PRKG1: variants seen among roughly 807,000 people sequenced by gnomAD.
The protein encoded by PRKG1 is cGMP-dependent protein kinase 1.
A neutral mutation model predicts 88.1 loss-of-function variants in PRKG1; 35 were observed. That is an observed-to-expected ratio of 0.40 (90% CI 0.30 to 0.53). The LOEUF (loss-of-function observed/expected upper bound fraction) is 0.53, where lower values mean the gene tolerates loss of function less well. PRKG1 is among the 20% of genes least tolerant of loss of function. PRKG1 has a pLI of 0.59. For missense variants in PRKG1, 540 were observed against 839.8 expected (o/e 0.64, Z 4.41); for synonymous variants, 303 against 292.5 (o/e 1.04, Z -0.37).
chr10:51,694,406 A>G (rs1354140500), intron 3 of PRKG1, among the ~76,000 whole-genome samples: 1 of 152,252 alleles, frequency 6.6e-6, no homozygotes, highest in African/African-American at 2.4e-5. Context: ...TGAAAAGTGT[A>G]GTTGAAAAGC....
chr10:52,129,608 C>T (rs974237311), intron 7 of PRKG1, among the ~76,000 whole-genome samples: 5 of 152,120 alleles, frequency 3.3e-5, no homozygotes, highest in Non-Finnish European at 4.4e-5. Context: ...AAAATGACAC[C>T]GTCATGGCAA....
Position 52,297,880 on chromosome 10 carries a change from T to C in PRKG1, c.*3980T>C, listed in dbSNP as rs191778597. On this transcript the variant is annotated 3_prime_UTR_variant, in exon 18 of 18. Coordinates refer to ENST00000373980, the MANE Select transcript of PRKG1 (RefSeq NM_006258.4). ...GATGCTTTTTCCGAGTTCTTGTATA[T>C]GCAAATCATTTACGAGGCAAGTTTT... is the stretch of plus-strand genomic sequence containing the variant. 139 of 152,266 alleles carry C rather than the reference T, an allele frequency of 9.1e-4. No individual in the cohort carries two copies. The highest frequency in any genetic ancestry group is 3.0e-3 in the African/African-American group (124 of 41,556). The allele number at this position is 152,266 out of a possible 1,614,324, so 9.4% of individuals were successfully genotyped here. A position where few individuals can be genotyped will look rare whatever the true frequency, so the allele number is the denominator to read the frequency against.
At chr10:51,733,809 G>A (rs1396379065) in intron 3 of PRKG1, among the ~76,000 whole-genome samples, 1 of 152,068 alleles carries the variant, frequency 6.6e-6, no homozygotes, top group African/African-American at 2.4e-5. Flanking sequence ...TGAATATTTT[G>A]AGTACCTTGG....
chr10:51,379,888 G>A (rs2132626012), intron 2 of PRKG1, among the ~76,000 whole-genome samples: 1 of 152,248 alleles, frequency 6.6e-6, no homozygotes, highest in Admixed American at 6.5e-5. Flanking sequence ...ACAATCTATA[G>A]CTATGAGGAA....
At chr10:52,090,162 T>C (rs1847020178) in intron 7 of PRKG1, among the ~76,000 whole-genome samples, 1 of 152,060 alleles carries the variant, frequency 6.6e-6, no homozygotes, top group African/African-American at 2.4e-5. Flanking sequence ...CCAGAACTCC[T>C]TGGAGAAATG....
intron 3 of PRKG1, among the ~76,000 whole-genome samples, chr10:51,752,173 C>T (rs1468419824): frequency 1.3e-5 from 2 of 152,132 alleles, no homozygotes; most frequent in Non-Finnish European, 1.5e-5. Context: ...ATGCTACTTC[C>T]TTCTTAAATG....
At chr10:51,822,374 A>T (rs1019313999) in intron 4 of PRKG1, among the ~76,000 whole-genome samples, 11 of 152,060 alleles carry the variant, frequency 7.2e-5, no homozygotes, top group Non-Finnish European at 1.3e-4. Context: ...AAAAAGTAGA[A>T]CTCCTAAAAA....
intron 2 of PRKG1, among the ~76,000 whole-genome samples, chr10:51,179,675 T>C (rs1837295081): frequency 1.3e-5 from 2 of 152,192 alleles, no homozygotes; most frequent in Non-Finnish European, 2.9e-5. Flanking sequence ...AAATAACCCT[T>C]ACCTTTCAGT....
chr10:51,191,388 G>C (rs2132040462), intron 2 of PRKG1, among the ~76,000 whole-genome samples: 1 of 151,892 alleles, frequency 6.6e-6, no homozygotes, highest in East Asian at 1.9e-4. Context: ...TAAGAAAAGT[G>C]AAATAGTGCT....
intron 3 of PRKG1, among the ~76,000 whole-genome samples, chr10:51,593,731 C>CTT (rs561985061): frequency 6.9e-6 from 1 of 145,456 alleles, no homozygotes; most frequent in African/African-American, 2.5e-5. Flanking sequence ...AAGGCAGTTC[C>CTT]TTTTTTTTTT....
intron 2 of PRKG1, among the ~76,000 whole-genome samples, chr10:51,223,263 A>G (rs766427863): frequency 6.6e-6 from 1 of 152,098 alleles, no homozygotes; most frequent in Non-Finnish European, 1.5e-5. Context: ...GAAAAGAGAG[A>G]ACATTTTTAT....
Position 51,999,587 on chromosome 10 carries a change from A to G in PRKG1, c.763-54897A>G, listed in dbSNP as rs529121423. Among the ~76,000 whole-genome samples, 16 of 152,322 alleles carry G rather than the reference A, an allele frequency of 1.1e-4. No individual in the cohort carries two copies. In the South Asian group the frequency reaches 3.3e-3, roughly 32 times the overall value. On this transcript the variant is annotated intron_variant, in intron 5 of 17. Coordinates refer to ENST00000373980, the MANE Select transcript of PRKG1 (RefSeq NM_006258.4). The stretch of plus-strand genomic sequence containing the variant: ...GAATAGGTATTCTGTTTCTAAATAT[A>G]TAAACAGAACTAAGGTGGCTTTTCT...
At chr10:52,101,260 G>A (rs1203618719) in intron 7 of PRKG1, among the ~76,000 whole-genome samples, 1 of 152,082 alleles carries the variant, frequency 6.6e-6, no homozygotes, top group African/African-American at 2.4e-5. Flanking sequence ...CTTTAACACT[G>A]CTAGTATTTC....
chr10:51,851,203 C>T (rs1840545349), intron 4 of PRKG1, among the ~76,000 whole-genome samples: 1 of 152,066 alleles, frequency 6.6e-6, no homozygotes, highest in African/African-American at 2.4e-5. Context: ...ATGTATTCAT[C>T]CTTATTTGCT....
chr10:51,611,478 CTT>C lies in PRKG1; in HGVS notation c.592+143647_592+143648del, dbSNP rs144622120. On this transcript the variant is annotated intron_variant, in intron 3 of 17. Coordinates refer to ENST00000373980, the MANE Select transcript of PRKG1 (RefSeq NM_006258.4). ...CCAATTTTTAATAAGATTATTTGCC[CTT>C]TTTTAAAAAAAAAACGTTAAATTGT... 1.3e-3 allele frequency among the ~76,000 whole-genome samples: 157 copies of C among 125,058 alleles called. No individual in the cohort carries two copies. In the East Asian group the frequency reaches 0.023, roughly 18 times the overall value. 82.0% of individuals were successfully genotyped at this position (125,058 alleles called of 152,430 possible). A position where few individuals can be genotyped will look rare whatever the true frequency, so the allele number is the denominator to read the frequency against.
intron 3 of PRKG1, among the ~76,000 whole-genome samples, chr10:51,588,480 T>G (rs761007060): frequency 6.6e-6 from 1 of 152,188 alleles, no homozygotes; most frequent in African/African-American, 2.4e-5. Context: ...ATCAACAAAC[T>G]AGTTAGTCTA....
chr10:51,774,932 T>C (rs1480460916), intron 3 of PRKG1, among the ~76,000 whole-genome samples: 1 of 152,296 alleles, frequency 6.6e-6, no homozygotes, highest in South Asian at 2.1e-4. Flanking sequence ...TTTAGGAATA[T>C]TGTTAGTAAC....
chr10:51,520,378 T>C (rs915495233), intron 3 of PRKG1, among the ~76,000 whole-genome samples: 1 of 150,376 alleles, frequency 6.6e-6, no homozygotes, highest in Admixed American at 6.6e-5. Flanking sequence ...GGATAATGAA[T>C]GTAAAATAGA....
chr10:51,808,942 A>G (rs1228320177), intron 4 of PRKG1, among the ~76,000 whole-genome samples: 1 of 152,168 alleles, frequency 6.6e-6, no homozygotes, highest in Non-Finnish European at 1.5e-5. Context: ...CACAGGCTAA[A>G]AAATGAGTGG....
Sources: allele counts gnomAD v4.1 joint callset (sites outside exome capture counted in the v4.1 genomes callset), GRCh38; gene constraint gnomAD v4.1.1; transcripts MANE v1.5; gene names NCBI Gene and HGNC (gene_info 2026-07-23, HGNC 2026-07-21).